USP22: variants seen among roughly 807,000 people sequenced by gnomAD.
USP22 encodes the protein ubiquitin carboxyl-terminal hydrolase 22.
A neutral mutation model predicts 68.1 loss-of-function variants in USP22; 22 were observed. The observed-to-expected ratio is 0.32, with a 90% CI of 0.23 to 0.46. The LOEUF is 0.46. Ranked by LOEUF, USP22 falls within the 20% of genes least tolerant of loss-of-function variation. The pLI, the probability that USP22 is intolerant of heterozygous loss-of-function variation, is 1.00. For synonymous variants in USP22, 279 were observed against 274.2 expected (o/e 1.02, Z -0.17); for missense variants, 433 against 695.8 (o/e 0.62, Z 4.25).
intron 3 of USP22, among the ~76,000 whole-genome samples, chr17:21,020,592 GA>G (rs1235740438): frequency 2.6e-5 from 4 of 152,212 alleles, no homozygotes; most frequent in African/African-American, 9.7e-5. Flanking sequence ...AGTTTTAAAA[GA>G]GATTCTACCA....
At chr17:21,009,716 A>G (rs1313085734) in intron 8 of USP22, among the ~76,000 whole-genome samples, 1 of 152,226 alleles carries the variant, frequency 6.6e-6, no homozygotes, top group Non-Finnish European at 1.5e-5. Flanking sequence ...GCACTTTGGG[A>G]GGCCAAGGCA....
chr17:21,013,110 A>G (rs1462227133), intron 6 of USP22, among the ~76,000 whole-genome samples, 175 bp from the exon 7 acceptor site: 1 of 152,172 alleles, frequency 6.6e-6, no homozygotes, highest in Non-Finnish European at 1.5e-5. Context: ...ATATGACGAG[A>G]AATCACAGCA....
At chr17:21,013,643 A>G (rs963397695) in intron 6 of USP22, among the ~76,000 whole-genome samples, 1 of 152,214 alleles carries the variant, frequency 6.6e-6, no homozygotes, top group Non-Finnish European at 1.5e-5. Context: ...ATCATGACAG[A>G]GGAATAGAGA....
At chr17:21,015,053 T>C (rs1052333609) in intron 6 of USP22, among the ~76,000 whole-genome samples, 1 of 152,210 alleles carries the variant, frequency 6.6e-6, no homozygotes, top group Non-Finnish European at 1.5e-5. Context: ...ATGGATAGAC[T>C]TCAGCTGCAG....
intron 8 of USP22, among the ~76,000 whole-genome samples, chr17:21,010,824 T>A (rs576204384): frequency 2.0e-5 from 3 of 152,218 alleles, no homozygotes; most frequent in Admixed American, 6.5e-5. Flanking sequence ...CCCGGGCGCA[T>A]CTCAGCTCAC....
At chr17:21,011,350 C>A in intron 7 of USP22, 41 bp from the exon 8 acceptor site, 1 of 1,549,786 alleles carries the variant, frequency 6.5e-7, no homozygotes, top group Non-Finnish European at 8.7e-7. Context: ...GGACTGACAC[C>A]CACCCAGCTC....
intron 8 of USP22, 145 bp from the exon 9 acceptor site, chr17:21,008,141 A>G: frequency 2.7e-6 from 3 of 1,095,856 alleles, no homozygotes; most frequent in East Asian, 2.7e-5. Context: ...CAATGAAAAA[A>G]AGAGAAAATG....
Position 21,018,022 on chromosome 17 carries a change from A to C in USP22, c.610T>G (p.Phe204Val). 1.2e-6 allele frequency: 2 copies of C among 1,614,156 alleles called. No individual in the cohort carries two copies. Among genetic ancestry groups the C allele is most frequent in the South Asian group, 1.1e-5 (1 of 91,076 alleles). The change falls in exon 5 of 13, where the codon TTC becomes GTC. Residue 204 changes from phenylalanine (F) to valine (V), a missense_variant. Physicochemically the swap from Phe to Val is conservative, Grantham distance 50. Around this residue, in one of 4 missense-constraint regions of USP22, gnomAD observed 144 missense variants for 237.2 expected, o/e 0.61. Transcript: ENST00000261497. ...TCACAGCGGTGCCTGTCAGACAGGA[A>C]GAAGTCCCGCAGAAGTGGCGTGTGG... is the stretch of plus-strand genomic sequence containing the variant. ...LTHTPLLRDF[F>V]LSDRHRCEMQ...
chr17:21,009,882 G>C (rs1032881503), intron 8 of USP22, among the ~76,000 whole-genome samples: 1 of 151,896 alleles, frequency 6.6e-6, no homozygotes, highest in African/African-American at 2.4e-5. Flanking sequence ...GTGAACCTGG[G>C]AGGTGGAGGT....
At position 21,042,703 on chromosome 17, in the gene USP22, A is replaced by G; in HGVS notation, c.133T>C (p.Phe45Leu). 7.1e-7 allele frequency: 1 copy of G among 1,417,142 alleles called. No homozygotes were observed. The highest frequency in any genetic ancestry group is 9.3e-7 in the Non-Finnish European group (1 of 1,075,082). 87.8% of individuals were successfully genotyped at this position (1,417,142 alleles called of 1,614,324 possible). A position where few individuals can be genotyped will look rare whatever the true frequency, so the allele number is the denominator to read the frequency against. ...KQNLRAIYQC[F>L]VWSGTAEARK... ...GCCTCAGCCGTGCCGCTCCACACGA[A>G]GCACTGGTAGATGGCCCGCAGGTTC... is the stretch of plus-strand genomic sequence containing the variant. The change falls in exon 1 of 13, where the codon TTC becomes CTC. Residue 45 changes from phenylalanine to leucine, a missense_variant. By Grantham distance (22) the Phe-to-Leu change is conservative (BLOSUM62 0). Around this residue, in one of 4 missense-constraint regions of USP22, gnomAD observed 110 missense variants for 89.9 expected, o/e 1.22. Transcript: ENST00000261497.
chr17:21,005,953 G>C (rs111894040), intron 10 of USP22, among the ~76,000 whole-genome samples: 35 of 152,296 alleles, frequency 2.3e-4, no homozygotes, highest in African/African-American at 7.7e-4. Context: ...ACTGGACACA[G>C]AGTCAGGGGA....
At chr17:21,004,685 C>T (rs1313989632) in intron 11 of USP22, among the ~76,000 whole-genome samples, 1 of 152,228 alleles carries the variant, frequency 6.6e-6, no homozygotes, top group Non-Finnish European at 1.5e-5. Context: ...CAGATGGAAC[C>T]TCCCTCCTGC....
chr17:21,005,991 G>A (rs1913765364), intron 10 of USP22, among the ~76,000 whole-genome samples: 1 of 152,190 alleles, frequency 6.6e-6, no homozygotes, highest in Non-Finnish European at 1.5e-5. Context: ...GAAGCCAGGG[G>A]AGTGACAGCC....
intron 2 of USP22, among the ~76,000 whole-genome samples, chr17:21,026,611 A>G (rs1972222768): frequency 6.6e-6 from 1 of 151,752 alleles, no homozygotes; most frequent in South Asian, 2.1e-4. Context: ...GGTGCAAGCC[A>G]CACCGCTCCT....
intron 1 of USP22, among the ~76,000 whole-genome samples, chr17:21,041,405 C>T (rs1972429109): frequency 6.6e-6 from 1 of 151,766 alleles, no homozygotes; most frequent in South Asian, 2.1e-4. Flanking sequence ...CCAGACCAGC[C>T]TGGCCAACAT....
intron 3 of USP22, among the ~76,000 whole-genome samples, chr17:21,020,784 A>G (rs949149751): frequency 1.3e-5 from 2 of 152,102 alleles, no homozygotes; most frequent in Admixed American, 1.3e-4. Context: ...GTTCAGCCCC[A>G]CATCTGCAGG....
At position 21,006,998 on chromosome 17, in the gene USP22, A is replaced by G. The variant is rs1913802828; in HGVS notation, c.1231-11T>C. 6.3e-7 allele frequency: 1 copy of G among 1,589,756 alleles called. No homozygotes were observed. The highest frequency in any genetic ancestry group is 1.3e-5 in the African/African-American group (1 of 74,392). Reference sequence around the variant, plus strand: ...TGAGTGTTCAAATCGCTGCAGAAATAGGAAGGGGACAGAGGGAAGAGGAAA... The same window carrying G: ...TGAGTGTTCAAATCGCTGCAGAAATGGGAAGGGGACAGAGGGAAGAGGAAA... On this transcript the variant is annotated splice_polypyrimidine_tract_variant and intron_variant, in intron 9 of 12. Coordinates refer to ENST00000261497, the MANE Select transcript of USP22 (RefSeq NM_015276.2).
intron 1 of USP22, among the ~76,000 whole-genome samples, chr17:21,031,442 G>C (rs1367092259): frequency 6.6e-6 from 1 of 152,098 alleles, no homozygotes; most frequent in African/African-American, 2.4e-5. Context: ...CTCCATTATA[G>C]TCTATCTCTA....
At chr17:21,030,083 T>G (rs1343982117) in intron 1 of USP22, among the ~76,000 whole-genome samples, 2 of 152,260 alleles carry the variant, frequency 1.3e-5, no homozygotes, top group East Asian at 1.9e-4. Flanking sequence ...GATTCCAGGA[T>G]CCCCTCAGGT....
Sources: allele counts gnomAD v4.1 joint callset (sites outside exome capture counted in the v4.1 genomes callset), GRCh38; gene constraint gnomAD v4.1.1; regional missense constraint gnomAD v4.1.1; transcripts MANE v1.5; gene names NCBI Gene and HGNC (gene_info 2026-07-23, HGNC 2026-07-21).